The following PCDHA3 variants were observed in gnomAD, a reference collection of about 807,000 sequenced individuals.
PCDHA3 encodes protocadherin alpha-3.
A neutral mutation model predicts 62.2 loss-of-function variants in PCDHA3; 41 were observed. The observed-to-expected ratio is 0.66, with a 90% confidence interval of 0.51 to 0.86. The LOEUF (loss-of-function observed/expected upper bound fraction) is 0.86, where lower values mean the gene tolerates loss of function less well. Among genes scored for constraint, PCDHA3 ranks in the 40% least tolerant of loss-of-function variants. PCDHA3 has a pLI of 0.00. For synonymous variants in PCDHA3, 640 were observed against 555.4 expected (o/e 1.15, Z -2.14); for missense variants, 1,304 against 1,241.2 (o/e 1.05, Z -0.76).
At chr5:140,993,198 A>C (rs1554253472) in intron 3 of PCDHA3, among the ~76,000 whole-genome samples, 1 of 151,946 alleles carries the variant, frequency 6.6e-6, no homozygotes, top group African/African-American at 2.4e-5. Context: ...AACTCACTAA[A>C]GCTAATTTTT....
Position 140,821,968 on chromosome 5 carries a change from G to C in PCDHA3, c.2394+18377G>C, listed in dbSNP as rs1341114422. The C allele has an allele frequency of 1.5e-5, 25 of 1,614,068 alleles. No individual in the cohort carries two copies. The highest frequency in any genetic ancestry group is 2.0e-5 in the Non-Finnish European group (24 of 1,180,052). On this transcript the variant is annotated intron_variant, in intron 1 of 3. Coordinates refer to ENST00000522353, the MANE Select transcript of PCDHA3 (RefSeq NM_018906.3). ...GGAGCTGGTGCCGCGCCTGTTCCGGGTGGCGTCCAAGGGCCGCGGGGACCT... is the reference window on the plus strand; with the variant it reads ...GGAGCTGGTGCCGCGCCTGTTCCGGCTGGCGTCCAAGGGCCGCGGGGACCT...
intron 1 of PCDHA3, chr5:140,830,111 C>T: frequency 1.2e-6 from 2 of 1,613,576 alleles, no homozygotes; most frequent in Non-Finnish European, 1.7e-6. Context: ...GGAGAGTGGC[C>T]AGGCTCCAAA....
At chr5:140,817,849 A>G (rs2150099349) in intron 1 of PCDHA3, among the ~76,000 whole-genome samples, 3 of 152,150 alleles carry the variant, frequency 2.0e-5, no homozygotes, top group Admixed American at 2.0e-4. Context: ...ATCACTTTTG[A>G]GAAACAGTTT....
chr5:140,959,055 C>A (rs2095463398), intron 1 of PCDHA3, among the ~76,000 whole-genome samples: 1 of 151,914 alleles, frequency 6.6e-6, no homozygotes, highest in African/African-American at 2.4e-5. Flanking sequence ...GGAAAAAATG[C>A]AGTATATATA....
chr5:140,849,973 C>G, intron 1 of PCDHA3: 1 of 1,597,728 alleles, frequency 6.3e-7, no homozygotes, highest in Non-Finnish European at 8.6e-7. Context: ...GTGTCCTACT[C>G]GCTGGTGGAG....
At chr5:140,829,306 C>G (rs145661045) in intron 1 of PCDHA3, 10 of 1,614,134 alleles carry the variant, frequency 6.2e-6, no homozygotes, top group Non-Finnish European at 8.5e-6. Flanking sequence ...AGAATTACTA[C>G]TCGTTGGTGC....
At chr5:141,003,988 C>T (rs1554259401) in intron 3 of PCDHA3, among the ~76,000 whole-genome samples, 1 of 152,120 alleles carries the variant, frequency 6.6e-6, no homozygotes, top group African/African-American at 2.4e-5. Context: ...TGCCGGAGAT[C>T]CTAGAAGGGA....
At chr5:140,919,510 T>G (rs750733245) in intron 1 of PCDHA3, among the ~76,000 whole-genome samples, 2 of 152,208 alleles carry the variant, frequency 1.3e-5, no homozygotes, top group Non-Finnish European at 2.9e-5. Context: ...TTTTTCTATA[T>G]GTTTTAATTC....
chr5:140,809,190 C>T, intron 1 of PCDHA3: 1 of 1,614,048 alleles, frequency 6.2e-7, no homozygotes, highest in African/African-American at 1.3e-5. Context: ...GTGCTGGTGT[C>T]ACTTGTGGAG....
chr5:140,861,207 AC>A (rs2046795908), intron 1 of PCDHA3: 1 of 165,948 alleles, frequency 6.0e-6, no homozygotes, highest in East Asian at 1.8e-4. Context: ...TGTTTTACTA[AC>A]CAAAAGAGAG....
intron 1 of PCDHA3, chr5:140,862,359 CG>C: frequency 3.0e-6 from 1 of 337,856 alleles, no homozygotes; most frequent in Non-Finnish European, 5.8e-6. Flanking sequence ...AAGGGACAGA[CG>C]ACCCGCACCC....
Position 140,828,833 on chromosome 5 carries a change from G to C in PCDHA3, c.2394+25242G>C, listed in dbSNP as rs149898673. The C allele has an allele frequency of 2.4e-5, 39 of 1,614,188 alleles. No homozygotes were observed. In the African/African-American group the frequency reaches 3.6e-4, roughly 15 times the overall value. On this transcript the variant is annotated intron_variant, in intron 1 of 3. Coordinates refer to ENST00000522353, the MANE Select transcript of PCDHA3 (RefSeq NM_018906.3). ...TCCCACTTTCGAACAGTCTGAATAC[G>C]AAGTAAGAATATTCGAAAATGCAGA...
chr5:140,963,021 G>A (rs2095729854), intron 1 of PCDHA3, among the ~76,000 whole-genome samples: 1 of 152,150 alleles, frequency 6.6e-6, no homozygotes, highest in Non-Finnish European at 1.5e-5. Flanking sequence ...AGAAAATGAA[G>A]CAATTAACAT....
chr5:140,854,718 A>G (rs1417789198), intron 1 of PCDHA3: 1 of 149,960 alleles, frequency 6.7e-6, no homozygotes, highest in Non-Finnish European at 1.5e-5. Flanking sequence ...AAAGACAGAA[A>G]ACTCAAGTTT....
intron 1 of PCDHA3, among the ~76,000 whole-genome samples, chr5:140,910,364 TATGCCCACCTTGCC>T: frequency 6.6e-6 from 1 of 152,222 alleles, no homozygotes; most frequent in Admixed American, 6.5e-5. Context: ...TTATGGTAGC[TATGCCCACCTTGCC>T]TTTGACAGTT....
chr5:140,821,624 A>T, intron 1 of PCDHA3: 3 of 893,544 alleles, frequency 3.4e-6, no homozygotes, highest in Non-Finnish European at 5.0e-6. Flanking sequence ...GATTTTCCTT[A>T]GACAGAAAGG....
chr5:140,928,570 C>G, intron 1 of PCDHA3: 1 of 1,614,196 alleles, frequency 6.2e-7, no homozygotes, highest in Non-Finnish European at 8.5e-7. Flanking sequence ...GTTTCCCTTG[C>G]CCAGAAATGG....
At chr5:140,873,477 G>T (rs1351179000) in intron 1 of PCDHA3, among the ~76,000 whole-genome samples, 1 of 151,984 alleles carries the variant, frequency 6.6e-6, no homozygotes, top group Non-Finnish European at 1.5e-5. Flanking sequence ...AAATTACTTG[G>T]ACTGATTTCT....
chr5:140,857,748 C>A (rs782353510), intron 1 of PCDHA3: 1 of 1,597,386 alleles, frequency 6.3e-7, no homozygotes, highest in African/African-American at 1.3e-5. Flanking sequence ...CTGCTGGCGT[C>A]TCCCGCTGGC....
Sources: allele counts gnomAD v4.1 joint callset (sites outside exome capture counted in the v4.1 genomes callset), GRCh38; gene constraint gnomAD v4.1.1; transcripts MANE v1.5; gene names NCBI Gene and HGNC (gene_info 2026-07-23, HGNC 2026-07-21).